The following RALYL variants were observed in gnomAD, a reference collection of about 807,000 sequenced individuals.
RALYL encodes the protein RNA-binding Raly-like protein.
In RALYL, 29 loss-of-function variants were observed where a neutral mutation model predicts 35.1. The ratio of observed to expected loss-of-function variants is 0.83; its 90% CI spans 0.61 to 1.13. RALYL has a LOEUF of 1.13. Among genes scored for constraint, RALYL ranks in the 50% most tolerant of loss-of-function variants. The pLI, the probability that RALYL is intolerant of heterozygous loss-of-function variation, is 0.00. For missense variants in RALYL, 359 were observed against 360.4 expected (o/e 1.00, Z 0.03); for synonymous variants, 120 against 127.6 (o/e 0.94, Z 0.40).
chr8:84,578,990 G>A (rs558719299), intron 2 of RALYL, among the ~76,000 whole-genome samples: 1 of 152,302 alleles, frequency 6.6e-6, no homozygotes, highest in East Asian at 1.9e-4. Flanking sequence ...CCAGCTTGAA[G>A]GTGGGGCTTC....
chr8:84,342,277 A>AATATATATAT lies in RALYL; in HGVS notation c.-24+157863_-24+157872dup, dbSNP rs57901276. Among the ~76,000 whole-genome samples, 69 of 66,128 alleles carry AATATATATAT rather than the reference A, an allele frequency of 1.0e-3. 12 individuals are homozygous for AATATATATAT. Among genetic ancestry groups the AATATATATAT allele is most frequent in the East Asian group, 3.6e-3 (7 of 1,948 alleles). The allele number at this position is 66,128 out of a possible 152,430, so 43.4% of individuals were successfully genotyped here. A position where few individuals can be genotyped will look rare whatever the true frequency, so the allele number is the denominator to read the frequency against. The stretch of plus-strand genomic sequence containing the variant: ...TGAGTGAGGGTACAGAGCATCGTTC[A>AATATATATAT]ATATATATATATATATATAAAACTC... On this transcript the variant is annotated intron_variant, in intron 1 of 8. Coordinates refer to ENST00000521268, the MANE Select transcript of RALYL (RefSeq NM_173848.7).
intron 1 of RALYL, among the ~76,000 whole-genome samples, chr8:84,363,498 C>G (rs1853526887): frequency 6.6e-6 from 1 of 152,272 alleles, no homozygotes; most frequent in Non-Finnish European, 1.5e-5. Context: ...TGATCAACAA[C>G]CTAATACCAC....
chr8:84,653,180 T>A (rs917531020), intron 2 of RALYL, among the ~76,000 whole-genome samples: 4 of 152,086 alleles, frequency 2.6e-5, no homozygotes, highest in African/African-American at 9.7e-5. Context: ...CTGGGTAAGA[T>A]TGATTAATAA....
chr8:84,255,720 T>C (rs986171799), intron 1 of RALYL, among the ~76,000 whole-genome samples: 8 of 152,094 alleles, frequency 5.3e-5, no homozygotes, highest in Admixed American at 2.0e-4. Context: ...AAAAATAAAT[T>C]ACTAATGACA....
At chr8:84,619,180 T>A (rs1220467754) in intron 2 of RALYL, among the ~76,000 whole-genome samples, 2 of 151,848 alleles carry the variant, frequency 1.3e-5, no homozygotes, top group East Asian at 1.9e-4. Flanking sequence ...ATCTGTCTAA[T>A]GTTGACAGTG....
At chr8:84,285,059 G>C (rs1235872296) in intron 1 of RALYL, among the ~76,000 whole-genome samples, 3 of 152,130 alleles carry the variant, frequency 2.0e-5, no homozygotes. Flanking sequence ...AGAGAATTAT[G>C]ATTGTATATG....
chr8:84,184,664 C>A (rs544842694), intron 1 of RALYL, among the ~76,000 whole-genome samples: 1 of 152,060 alleles, frequency 6.6e-6, no homozygotes, highest in Non-Finnish European at 1.5e-5. Context: ...CCCACCCCTC[C>A]CACGGTGAGC....
intron 1 of RALYL, among the ~76,000 whole-genome samples, chr8:84,331,118 A>G (rs953416190): frequency 5.9e-5 from 9 of 152,086 alleles, no homozygotes; most frequent in African/African-American, 1.2e-4. Flanking sequence ...TGTATATAAG[A>G]CATTCTAACA....
chr8:84,857,142 T>G (rs981143132), intron 5 of RALYL, among the ~76,000 whole-genome samples: 2 of 151,868 alleles, frequency 1.3e-5, no homozygotes, highest in African/African-American at 2.4e-5. Flanking sequence ...TGTACATCTG[T>G]CAAAGTTAAG....
intron 1 of RALYL, among the ~76,000 whole-genome samples, chr8:84,463,249 T>G (rs1427579137): frequency 6.6e-6 from 1 of 152,020 alleles, no homozygotes; most frequent in Non-Finnish European, 1.5e-5. Flanking sequence ...GCTCTAGAGG[T>G]CTTCCATTAA....
intron 6 of RALYL, among the ~76,000 whole-genome samples, chr8:84,867,235 G>A (rs1264684809): frequency 6.6e-6 from 1 of 152,102 alleles, no homozygotes; most frequent in Non-Finnish European, 1.5e-5. Flanking sequence ...TATGTTACAA[G>A]GGCATCACCT....
rs182283564 is a variant in RALYL, at chr8:84,662,749, G to A, written c.257-111830G>A. The stretch of plus-strand genomic sequence containing the variant: ...TTAATATAGTTTTAGATCATATATA[G>A]GCATCCACAATTAATCTATTACTAC... On this transcript the variant is annotated intron_variant, in intron 2 of 8. Transcript: ENST00000521268. Among the ~76,000 whole-genome samples the A allele has an allele frequency of 8.3e-3, 1,256 of 152,054 alleles. 15 individuals are homozygous for A. The highest frequency in any genetic ancestry group is 0.028 in the African/African-American group (1,164 of 41,502).
chr8:84,693,306 A>T (rs1346104470), intron 2 of RALYL, among the ~76,000 whole-genome samples: 1 of 151,846 alleles, frequency 6.6e-6, no homozygotes, highest in Non-Finnish European at 1.5e-5. Flanking sequence ...GCCTCACAAA[A>T]CTTACAATCA....
intron 4 of RALYL, among the ~76,000 whole-genome samples, chr8:84,821,089 T>A (rs896834596): frequency 6.6e-6 from 1 of 152,174 alleles, no homozygotes; most frequent in Admixed American, 6.6e-5. Context: ...AGAGAACTCA[T>A]TTCTCTTTGT....
At chr8:84,309,915 G>C (rs1362980172) in intron 1 of RALYL, among the ~76,000 whole-genome samples, 1 of 152,184 alleles carries the variant, frequency 6.6e-6, no homozygotes, top group Non-Finnish European at 1.5e-5. Context: ...AGTAGAGACA[G>C]GCTTTCACTC....
intron 2 of RALYL, among the ~76,000 whole-genome samples, chr8:84,750,495 C>T (rs542804002): frequency 6.6e-6 from 1 of 152,228 alleles, no homozygotes; most frequent in East Asian, 1.9e-4. Flanking sequence ...TGTCCACCTG[C>T]TCTCATGCCC....
chr8:84,377,400 T>C (rs1370938771), intron 1 of RALYL, among the ~76,000 whole-genome samples: 2 of 151,210 alleles, frequency 1.3e-5, no homozygotes, highest in African/African-American at 4.8e-5. Flanking sequence ...CTGAATATAT[T>C]CTTTTGGTAA....
At chr8:84,330,639 C>G (rs570207667) in intron 1 of RALYL, among the ~76,000 whole-genome samples, 3 of 152,002 alleles carry the variant, frequency 2.0e-5, no homozygotes, top group Non-Finnish European at 4.4e-5. Context: ...TCTTCTAATG[C>G]CTCTAGATTT....
chr8:84,850,174 A>G, intron 5 of RALYL, 147 bp downstream of exon 5: 1 of 449,128 alleles, frequency 2.2e-6, no homozygotes, highest in Non-Finnish European at 3.9e-6. Context: ...AACAAAATAT[A>G]CAGATTTTTA....
Sources: gnomAD v4.1 joint callset for allele counts (sites outside exome capture counted in the v4.1 genomes callset) on GRCh38, gnomAD v4.1.1 for gene constraint, MANE v1.5 for transcripts, NCBI Gene and HGNC (gene_info 2026-07-23, HGNC 2026-07-21) for gene names.